KAZN: variants seen among roughly 807,000 people sequenced by gnomAD.
KAZN encodes kazrin, periplakin interacting protein.
A neutral mutation model predicts 87.4 loss-of-function variants in KAZN; 40 were observed. The ratio of observed to expected loss-of-function variants is 0.46; its 90% CI spans 0.36 to 0.60. KAZN has a LOEUF of 0.60. Among genes scored for constraint, KAZN ranks in the 20% least tolerant of loss-of-function variants. The pLI is 0.00. For synonymous variants in KAZN, 466 were observed against 458.3 expected, an observed-to-expected ratio of 1.02 and a Z score of -0.22; for missense variants, 898 against 1,073.9, an observed-to-expected ratio of 0.84 and a Z score of 2.29.
intron 1 of KAZN, among the ~76,000 whole-genome samples, chr1:14,833,572 C>A (rs1217567706): frequency 1.3e-5 from 2 of 151,082 alleles, no homozygotes; most frequent in African/African-American, 4.9e-5. Flanking sequence ...CCGTCCTCTA[C>A]CCCCCCCAGG....
intron 1 of KAZN, among the ~76,000 whole-genome samples, chr1:13,936,950 A>G (rs1640763030): frequency 6.6e-6 from 1 of 151,910 alleles, no homozygotes; most frequent in Non-Finnish European, 1.5e-5. Flanking sequence ...TTCTCTGATG[A>G]TTAGTGATGT....
intron 1 of KAZN, among the ~76,000 whole-genome samples, chr1:14,727,511 C>CTTTTTTTTTTTT (rs1643455466): frequency 1.1e-5 from 1 of 91,742 alleles, no homozygotes; most frequent in Non-Finnish European, 2.0e-5. Context: ...AAGAGTTTTG[C>CTTTTTTTTTTTT]TCTTGTTGTC....
intron 1 of KAZN, among the ~76,000 whole-genome samples, chr1:14,852,780 G>A (rs866727171): frequency 2.0e-5 from 3 of 152,202 alleles, no homozygotes; most frequent in Admixed American, 1.3e-4. Flanking sequence ...ATAAGATTAC[G>A]TGTTAGCTTT....
At chr1:15,082,920 C>A (rs901531501) in intron 8 of KAZN, among the ~76,000 whole-genome samples, 2 of 152,192 alleles carry the variant, frequency 1.3e-5, no homozygotes, top group Non-Finnish European at 2.9e-5. Context: ...GAACTCCTGA[C>A]TTCAATTGAC....
At chr1:14,436,540 A>C (rs1557720553) in intron 2 of KAZN, among the ~76,000 whole-genome samples, 1 of 151,822 alleles carries the variant, frequency 6.6e-6, no homozygotes, top group Non-Finnish European at 1.5e-5. Context: ...CAACATGGTG[A>C]AACCCCGTCT....
At chr1:13,979,897 C>A (rs569798282) in intron 1 of KAZN, among the ~76,000 whole-genome samples, 58 of 143,860 alleles carry the variant, frequency 4.0e-4, no homozygotes, top group African/African-American at 1.5e-3. Flanking sequence ...TGCCACTGCA[C>A]TCCAGCCTGG....
chr1:14,949,830 A>G lies in KAZN; in HGVS notation c.227-10854A>G, dbSNP rs553092438. Among the ~76,000 whole-genome samples the G allele has an allele frequency of 1.3e-5, 2 of 152,168 alleles. No homozygotes were observed. The highest frequency in any genetic ancestry group is 1.9e-4 in the East Asian group (1 of 5,164). On this transcript the variant is annotated intron_variant, in intron 1 of 14. Coordinates refer to ENST00000376030, the MANE Select transcript of KAZN (RefSeq NM_201628.3). This position sits in a 1 kb window ranked among gnomAD's most constrained non-coding sequence, Gnocchi z 4.3. ...TGGGTGAAGGCATGCAGGAGAGTAC[A>G]GGTTTTCTGGGGTGTGGAGCTGGGT...
At chr1:13,993,065 A>G (rs903188936) in intron 1 of KAZN, among the ~76,000 whole-genome samples, 1 of 152,122 alleles carries the variant, frequency 6.6e-6, no homozygotes, top group Non-Finnish European at 1.5e-5. Context: ...AGGCTTGACC[A>G]TGTGATTTCC....
intron 1 of KAZN, among the ~76,000 whole-genome samples, chr1:14,915,816 G>A (rs184920310): frequency 5.9e-5 from 9 of 152,282 alleles, no homozygotes; most frequent in Admixed American, 3.9e-4. Context: ...GTGGCTTGGC[G>A]GGTTGAATGA....
chr1:14,286,770 T>G (rs973583640), intron 2 of KAZN, among the ~76,000 whole-genome samples: 1 of 152,180 alleles, frequency 6.6e-6, no homozygotes, highest in Non-Finnish European at 1.5e-5. Flanking sequence ...CACCTGACTT[T>G]CTTGGTGGGG....
At chr1:14,733,664 G>A (rs540229050) in intron 1 of KAZN, among the ~76,000 whole-genome samples, 3 of 152,250 alleles carry the variant, frequency 2.0e-5, no homozygotes, top group South Asian at 2.1e-4. Context: ...GATGTTCAGC[G>A]TGGGGACTCG....
intron 1 of KAZN, among the ~76,000 whole-genome samples, chr1:14,888,812 C>T (rs1362810902): frequency 6.6e-6 from 1 of 152,096 alleles, no homozygotes; most frequent in Admixed American, 6.5e-5. Context: ...TGGCTCTGCT[C>T]GGTGTCATCT....
chr1:14,389,502 T>C (rs1205456893), intron 2 of KAZN, among the ~76,000 whole-genome samples: 1 of 152,138 alleles, frequency 6.6e-6, no homozygotes, highest in African/African-American at 2.4e-5. Flanking sequence ...ACATACACAA[T>C]GGAGTACTAT....
At chr1:14,272,380 C>T (rs1292604754) in intron 2 of KAZN, among the ~76,000 whole-genome samples, 1 of 152,190 alleles carries the variant, frequency 6.6e-6, no homozygotes, top group Non-Finnish European at 1.5e-5. Context: ...GGCGTTTTCT[C>T]TTTAAATGTC....
At chr1:14,926,623 A>G (rs939537315) in intron 1 of KAZN, among the ~76,000 whole-genome samples, 2 of 152,198 alleles carry the variant, frequency 1.3e-5, no homozygotes, top group African/African-American at 2.4e-5. Context: ...AACTTCCATG[A>G]TGGCTAGGCA....
chr1:15,086,861 C>T (rs1197198804), intron 8 of KAZN, among the ~76,000 whole-genome samples: 3 of 152,176 alleles, frequency 2.0e-5, no homozygotes, highest in South Asian at 2.1e-4. Flanking sequence ...TCATTAAGGC[C>T]GTGGTTCTAG....
intron 1 of KAZN, among the ~76,000 whole-genome samples, chr1:14,093,198 C>G (rs1644048417): frequency 6.6e-6 from 1 of 152,194 alleles, no homozygotes; most frequent in Non-Finnish European, 1.5e-5. Context: ...AAATTAGTAC[C>G]TCATCCTCAT....
At chr1:15,050,701 G>A (rs1674301092) in intron 4 of KAZN, among the ~76,000 whole-genome samples, 1 of 152,204 alleles carries the variant, frequency 6.6e-6, no homozygotes, top group Non-Finnish European at 1.5e-5. Context: ...TTCCTAGGCT[G>A]GGTCTGAACC....
chr1:13,960,052 C>T (rs138008733), intron 1 of KAZN, among the ~76,000 whole-genome samples: 16 of 151,974 alleles, frequency 1.1e-4, no homozygotes, highest in East Asian at 7.7e-4. Context: ...ACCCCACCCC[C>T]GCCTTCACAA....
Sources: gnomAD v4.1 joint callset for allele counts (sites outside exome capture counted in the v4.1 genomes callset) on GRCh38, gnomAD v4.1.1 for gene constraint, Gnocchi (gnomAD v3.1) non-coding constraint, MANE v1.5 for transcripts, NCBI Gene and HGNC (gene_info 2026-07-23, HGNC 2026-07-21) for gene names.